The following SHANK2 variants were observed in gnomAD, a reference collection of about 807,000 sequenced individuals.
SHANK2 encodes SH3 and multiple ankyrin repeat domains protein 2.
SHANK2 carries 43 observed loss-of-function variants against 133.7 expected under a neutral mutation model. That is an observed-to-expected ratio of 0.32 (90% CI 0.25 to 0.41). The LOEUF (loss-of-function observed/expected upper bound fraction) is 0.41. Among genes scored for constraint, SHANK2 ranks in the 10% least tolerant of loss-of-function variants. The pLI, the probability that SHANK2 is intolerant of heterozygous loss-of-function variation, is 1.00. For synonymous variants in SHANK2, 1,017 were observed against 952.8 expected, an observed-to-expected ratio of 1.07 and a Z score of -1.24; for missense variants, 1,994 against 2,235.8, an observed-to-expected ratio of 0.89 and a Z score of 2.18.
chr11:70,486,713 C>G lies in SHANK2; in HGVS notation c.3580G>C (p.Gly1194Arg). Residue 1194 changes from glycine to arginine, a missense_variant, in exon 25 of 26, where the codon GGC (glycine) becomes CGC (arginine). By Grantham distance (125) the Gly-to-Arg change is moderately radical. Around this residue, in one of 5 missense-constraint regions of SHANK2, gnomAD observed 797 missense variants for 907.4 expected, o/e 0.88. Coordinates refer to ENST00000601538, the MANE Select transcript of SHANK2 (RefSeq NM_012309.5). The surrounding 1 kb of genome is among the most constrained non-coding windows in gnomAD (Gnocchi z 8.0). ...ACATAATTCCCGGGGCCGGCTGTGC[C>G]GCTGCTCGCGGAGGGCACTGCTGGG... ...SSPAVPSASS[G>R]TAGPGNYVHP... 1.9e-6 allele frequency: 3 copies of G among 1,610,440 alleles called. No individual in the cohort carries two copies. Among genetic ancestry groups the G allele is most frequent in the South Asian group, 1.1e-5 (1 of 91,052 alleles).
At chr11:71,230,568 C>CAA (rs58588362) in intron 1 of SHANK2, among the ~76,000 whole-genome samples, 38 of 89,984 alleles carry the variant, frequency 4.2e-4, no homozygotes, top group African/African-American at 1.2e-3. Flanking sequence ...GACTCTGTCT[C>CAA]AAAAAAAAAA....
At chr11:70,532,545 G>A (rs1223547196) in intron 17 of SHANK2, among the ~76,000 whole-genome samples, 2 of 151,992 alleles carry the variant, frequency 1.3e-5, no homozygotes, top group Admixed American at 6.6e-5. Context: ...CTCTAAAATG[G>A]AGTCACAACC....
chr11:71,116,946 G>T (rs1247081657), intron 4 of SHANK2, among the ~76,000 whole-genome samples: 1 of 152,166 alleles, frequency 6.6e-6, no homozygotes, highest in Non-Finnish European at 1.5e-5. Context: ...GCCCATGCCG[G>T]CACCACACTT....
Position 70,503,192 on chromosome 11 carries a change from T to C in SHANK2, c.2062-261A>G, listed in dbSNP as rs925350969. On this transcript the variant is annotated intron_variant, in intron 17 of 25. Transcript: ENST00000601538. ...TCTGACACTGCAGCTCTCTGCTGAG[T>C]CCTCCACAGCTGCTGCAGAGGAAGG... Among the ~76,000 whole-genome samples the C allele has an allele frequency of 4.5e-4, 68 of 152,146 alleles. 1 individual carries two copies. Among genetic ancestry groups the C allele is most frequent in the African/African-American group, 1.6e-3 (66 of 41,500 alleles).
intron 9 of SHANK2, among the ~76,000 whole-genome samples, chr11:71,072,107 G>C (rs1439939538): frequency 6.6e-6 from 1 of 152,156 alleles, no homozygotes; most frequent in Non-Finnish European, 1.5e-5. Flanking sequence ...TGATGTCCAG[G>C]AATTCACCTG....
intron 5 of SHANK2, among the ~76,000 whole-genome samples, chr11:71,110,814 C>T (rs532450162): frequency 6.6e-6 from 1 of 152,322 alleles, no homozygotes; most frequent in East Asian, 1.9e-4. Flanking sequence ...CCTAGTGCTA[C>T]GGACTTAACG....
rs1555111705 is a variant in SHANK2, at chr11:71,169,117, T to C, written c.-12-21779A>G. On this transcript the variant is annotated intron_variant, in intron 2 of 25. Transcript: ENST00000601538. ...ACAGGGATGGAAGGGGAAAGCTTTA[T>C]GGGGTGAACACAGACGCAAGGCAAA... 1.3e-5 allele frequency among the ~76,000 whole-genome samples: 2 copies of C among 152,140 alleles called. 1 individual carries two copies. The highest frequency in any genetic ancestry group is 4.2e-4 in the South Asian group (2 of 4,810).
chr11:71,110,117 G>T, intron 5 of SHANK2, 68 bp from the exon 6 acceptor site: 1 of 1,178,958 alleles, frequency 8.5e-7, no homozygotes, highest in Non-Finnish European at 1.2e-6. Flanking sequence ...AACAAAGTGA[G>T]ACCCCGTCTC....
intron 14 of SHANK2, chr11:70,705,527 T>C (rs1555024698): frequency 6.6e-6 from 1 of 152,178 alleles, no homozygotes; most frequent in African/African-American, 2.4e-5. Context: ...TGGAAATGGA[T>C]CCCATTAAGC....
At chr11:71,248,148 A>G (rs1266422057) in intron 1 of SHANK2, among the ~76,000 whole-genome samples, 4 of 152,116 alleles carry the variant, frequency 2.6e-5, no homozygotes, top group Admixed American at 2.6e-4. Flanking sequence ...AAGAACAGAA[A>G]CCCTAGAATG....
chr11:71,143,436 C>T (rs1223281035), intron 3 of SHANK2, among the ~76,000 whole-genome samples: 9 of 152,202 alleles, frequency 5.9e-5, no homozygotes, highest in Non-Finnish European at 1.2e-4. Context: ...TCAGCCTGCC[C>T]GATGCGCGGG....
chr11:71,057,940 G>A (rs1227902090), intron 9 of SHANK2, among the ~76,000 whole-genome samples: 1 of 138,456 alleles, frequency 7.2e-6, no homozygotes, highest in African/African-American at 3.2e-5. Flanking sequence ...TTGAGACAGG[G>A]TCTCAGTCTG....
At chr11:71,204,997 T>A (rs554700213) in intron 2 of SHANK2, among the ~76,000 whole-genome samples, 1 of 151,888 alleles carries the variant, frequency 6.6e-6, no homozygotes, top group African/African-American at 2.4e-5. Context: ...GCCTCCCTCC[T>A]CCCTCCCTCA....
chr11:71,103,675 C>T (rs527672375), intron 6 of SHANK2, among the ~76,000 whole-genome samples: 42 of 152,226 alleles, frequency 2.8e-4, no homozygotes, highest in African/African-American at 9.1e-4. Context: ...ATGTAATCTC[C>T]GGGGTTGGAG....
intron 1 of SHANK2, among the ~76,000 whole-genome samples, chr11:71,229,257 A>G (rs1461635489): frequency 6.6e-6 from 1 of 152,196 alleles, no homozygotes; most frequent in East Asian, 1.9e-4. Context: ...ACAAACAAAC[A>G]AAGATTGGAA....
intron 24 of SHANK2, chr11:70,489,048 A>G: frequency 2.3e-6 from 1 of 442,298 alleles, no homozygotes; most frequent in South Asian, 2.5e-5. Context: ...GTAGCAAAAT[A>G]AATTACTTGA....
intron 14 of SHANK2, among the ~76,000 whole-genome samples, chr11:70,738,387 T>C (rs1946451770): frequency 6.6e-6 from 1 of 152,228 alleles, no homozygotes; most frequent in African/African-American, 2.4e-5. Context: ...ACCACAGCCC[T>C]GAGGGGCGCT....
intron 17 of SHANK2, among the ~76,000 whole-genome samples, chr11:70,630,927 C>A (rs1466314125): frequency 6.6e-6 from 1 of 152,166 alleles, no homozygotes; most frequent in Non-Finnish European, 1.5e-5. Flanking sequence ...ACCTGCGCAT[C>A]CTGTGGTCCC....
chr11:70,646,783 T>G (rs1317465877), intron 17 of SHANK2, among the ~76,000 whole-genome samples: 3 of 152,184 alleles, frequency 2.0e-5, no homozygotes, highest in African/African-American at 7.2e-5. Context: ...TTTCTGATCT[T>G]TAATAGTACT....
Sources: allele counts gnomAD v4.1 joint callset (sites outside exome capture counted in the v4.1 genomes callset), GRCh38; gene constraint gnomAD v4.1.1; regional missense constraint gnomAD v4.1.1; non-coding constraint Gnocchi (gnomAD v3.1); transcripts MANE v1.5; gene names NCBI Gene and HGNC (gene_info 2026-07-23, HGNC 2026-07-21).